The following TRAPPC12 variants were observed in gnomAD, a reference collection of about 807,000 sequenced individuals.
The protein encoded by TRAPPC12 is trafficking protein particle complex subunit 12.
Under a neutral mutation model 69.2 loss-of-function variants are expected in TRAPPC12, and 61 were observed. That is an observed-to-expected ratio of 0.88 (90% CI 0.72 to 1.09). TRAPPC12 has a LOEUF of 1.09. Among genes scored for constraint, TRAPPC12 ranks in the 50% least tolerant of loss-of-function variants. TRAPPC12 has a pLI of 0.00. For missense variants in TRAPPC12, 1,101 were observed against 1,016.4 expected (o/e 1.08, Z -1.13); for synonymous variants, 469 against 438.9 (o/e 1.07, Z -0.86).
intron 6 of TRAPPC12, among the ~76,000 whole-genome samples, chr2:3,444,822 T>C (rs1348186525): frequency 1.3e-5 from 2 of 152,336 alleles, no homozygotes; most frequent in African/African-American, 4.8e-5. Flanking sequence ...GGCCCCTTGT[T>C]GTCCTGGGCT....
At chr2:3,469,605 C>T (rs991534263) in intron 9 of TRAPPC12, among the ~76,000 whole-genome samples, 1 of 152,334 alleles carries the variant, frequency 6.6e-6, no homozygotes, top group Middle Eastern at 3.4e-3. Context: ...CCAGCTCTGC[C>T]TGGCATCTCA....
chr2:3,451,905 A>G (rs1170437234), intron 6 of TRAPPC12, among the ~76,000 whole-genome samples: 1 of 152,202 alleles, frequency 6.6e-6, no homozygotes, highest in Non-Finnish European at 1.5e-5. Context: ...TCCTCATGCA[A>G]AGCCTTCAGT....
chr2:3,479,465 C>T lies in TRAPPC12; in HGVS notation c.*4C>T. 6.2e-7 allele frequency: 1 copy of T among 1,613,496 alleles called. No individual in the cohort carries two copies. The highest frequency in any genetic ancestry group is 8.5e-7 in the Non-Finnish European group (1 of 1,179,792). On this transcript the variant is annotated 3_prime_UTR_variant, in exon 12 of 12. Coordinates refer to ENST00000324266, the MANE Select transcript of TRAPPC12 (RefSeq NM_016030.6). The stretch of plus-strand genomic sequence containing the variant: ...ACAGTGCCTCAAGCTGGCCTAGCTG[C>T]CTCCAACACACTACGTCAGAAGGAC...
intron 3 of TRAPPC12, among the ~76,000 whole-genome samples, chr2:3,407,126 A>G (rs1191518125): frequency 1.3e-5 from 2 of 152,236 alleles, no homozygotes; most frequent in East Asian, 1.9e-4. Flanking sequence ...TGTAATTTAC[A>G]GGGAAATGGA....
chr2:3,467,056 C>T (rs1351785302), intron 9 of TRAPPC12, among the ~76,000 whole-genome samples: 1 of 152,234 alleles, frequency 6.6e-6, no homozygotes, highest in Admixed American at 6.5e-5. Flanking sequence ...AAGTGCTTCT[C>T]CTTCCAGGGG....
At chr2:3,476,186 C>T (rs948285614) in intron 9 of TRAPPC12, among the ~76,000 whole-genome samples, 1 of 152,144 alleles carries the variant, frequency 6.6e-6, no homozygotes, top group Non-Finnish European at 1.5e-5. Context: ...GTTTTTTCTT[C>T]CTCCTCGTAT....
At chr2:3,411,158 C>T (rs1470983094) in intron 3 of TRAPPC12, among the ~76,000 whole-genome samples, 3 of 152,152 alleles carry the variant, frequency 2.0e-5, no homozygotes, top group African/African-American at 4.8e-5. Flanking sequence ...AAACCCAAAA[C>T]TTTGCTTATG....
At chr2:3,466,824 G>A (rs4296457) in intron 9 of TRAPPC12, among the ~76,000 whole-genome samples, 44,226 of 151,976 alleles carry the variant, frequency 0.29, 6,696 homozygotes, top group East Asian at 0.36. Context: ...TGCCTGCACT[G>A]GGATGCTTGC....
chr2:3,387,223 G>A (rs976078364), intron 1 of TRAPPC12, among the ~76,000 whole-genome samples: 1 of 152,202 alleles, frequency 6.6e-6, no homozygotes, highest in African/African-American at 2.4e-5. Context: ...CTCTGACCAA[G>A]CTGTAGCATA....
chr2:3,421,833 C>T, intron 3 of TRAPPC12, 48 bp from the exon 4 acceptor site: 1 of 1,546,122 alleles, frequency 6.5e-7, no homozygotes, highest in Non-Finnish European at 8.9e-7. Flanking sequence ...ATGGATTCCA[C>T]CATGCCTTGC....
chr2:3,385,534 G>C (rs73143386), intron 1 of TRAPPC12, among the ~76,000 whole-genome samples: 24 of 152,188 alleles, frequency 1.6e-4, no homozygotes, highest in African/African-American at 5.5e-4. Context: ...CTGATAAACA[G>C]ATTTCCCTAA....
intron 5 of TRAPPC12, among the ~76,000 whole-genome samples, chr2:3,424,870 G>C (rs1029893179): frequency 6.6e-6 from 1 of 152,252 alleles, no homozygotes; most frequent in Non-Finnish European, 1.5e-5. Flanking sequence ...TGGTGCATCT[G>C]TTTGTACATT....
chr2:3,393,592 T>C (rs1660951503), intron 2 of TRAPPC12, among the ~76,000 whole-genome samples: 1 of 152,008 alleles, frequency 6.6e-6, no homozygotes, highest in South Asian at 2.1e-4. Flanking sequence ...TGTCTATTTA[T>C]AACAAATGAT....
intron 6 of TRAPPC12, among the ~76,000 whole-genome samples, chr2:3,450,921 C>T (rs557432590): frequency 6.6e-6 from 1 of 152,148 alleles, no homozygotes; most frequent in East Asian, 1.9e-4. Flanking sequence ...CGCAAAGGCT[C>T]CTTCCTCAAG....
intron 3 of TRAPPC12, among the ~76,000 whole-genome samples, chr2:3,409,123 T>C (rs1187359763): frequency 6.6e-6 from 1 of 152,116 alleles, no homozygotes; most frequent in Non-Finnish European, 1.5e-5. Flanking sequence ...TGCTCACAAC[T>C]TTGCAAAAAG....
chr2:3,384,180 A>G (rs550350089), intron 1 of TRAPPC12, among the ~76,000 whole-genome samples: 8 of 152,134 alleles, frequency 5.3e-5, no homozygotes, highest in East Asian at 1.9e-4. Flanking sequence ...ACAGGCCTGA[A>G]CCACCGTGCC....
At chr2:3,423,025 G>A (rs953707398) in intron 4 of TRAPPC12, among the ~76,000 whole-genome samples, 2 of 152,300 alleles carry the variant, frequency 1.3e-5, no homozygotes, top group South Asian at 4.1e-4. Flanking sequence ...AGATCACTTG[G>A]GCCTGGGGCT....
intron 9 of TRAPPC12, among the ~76,000 whole-genome samples, chr2:3,471,515 A>G (rs1373956616): frequency 1.3e-5 from 2 of 152,158 alleles, no homozygotes; most frequent in African/African-American, 4.8e-5. Flanking sequence ...AGCCTCCTTT[A>G]GAGCACCAGG....
At chr2:3,438,340 G>GT (rs1663981806) in intron 5 of TRAPPC12, among the ~76,000 whole-genome samples, 1 of 26,556 alleles carries the variant, frequency 3.8e-5, no homozygotes, top group Non-Finnish European at 7.0e-5. Context: ...CCCTGGGTTA[G>GT]CCCCCATCAC....
Sources: gnomAD v4.1 joint callset for allele counts (sites outside exome capture counted in the v4.1 genomes callset) on GRCh38, gnomAD v4.1.1 for gene constraint, MANE v1.5 for transcripts, NCBI Gene and HGNC (gene_info 2026-07-23, HGNC 2026-07-21) for gene names.